Variants in BPIFB4 observed in about 807,000 individuals in gnomAD.
BPIFB4 encodes the protein BPI fold-containing family B member 4.
In BPIFB4, 62 loss-of-function variants were observed where a neutral mutation model predicts 69.2. That is an observed-to-expected ratio of 0.90 (90% CI 0.73 to 1.11). The LOEUF is 1.11. Among genes scored for constraint, BPIFB4 ranks in the 50% least tolerant of loss-of-function variants. The pLI is 0.00. For synonymous variants in BPIFB4, 330 were observed against 332.7 expected (o/e 0.99, Z 0.09); for missense variants, 789 against 792.0 (o/e 1.00, Z 0.04).
At chr20:33,091,405 G>A (rs1304697636) in intron 10 of BPIFB4, among the ~76,000 whole-genome samples, 1 of 152,234 alleles carries the variant, frequency 6.6e-6, no homozygotes, top group Non-Finnish European at 1.5e-5. Context: ...ACCATGTGAG[G>A]TGGTATGAGC....
intron 13 of BPIFB4, among the ~76,000 whole-genome samples, chr20:33,099,958 T>C (rs1215172794): frequency 6.6e-6 from 1 of 152,166 alleles, no homozygotes; most frequent in South Asian, 2.1e-4. Flanking sequence ...CTGGGCCTTT[T>C]ATATCCTCTC....
At chr20:33,103,686 C>T (rs905699641) in intron 15 of BPIFB4, among the ~76,000 whole-genome samples, 1 of 148,240 alleles carries the variant, frequency 6.7e-6, no homozygotes, top group African/African-American at 2.5e-5. Context: ...CTGGGACAAG[C>T]TTGGATGAGA....
chr20:33,111,065 C>T (rs1982224451), intron 17 of BPIFB4, among the ~76,000 whole-genome samples: 2 of 152,156 alleles, frequency 1.3e-5, no homozygotes, highest in African/African-American at 4.8e-5. Flanking sequence ...ATCCACCTGC[C>T]TCAGCCTCCC....
chr20:33,096,779 C>T (rs1346711628), intron 12 of BPIFB4, among the ~76,000 whole-genome samples: 1 of 152,182 alleles, frequency 6.6e-6, no homozygotes, highest in African/African-American at 2.4e-5. Context: ...AGCAATGTGT[C>T]CTGGAGACCT....
In BPIFB4 at chr20:33,082,946, G is replaced by A. The variant is rs1981279112; in HGVS notation, c.115G>A (p.Gly39Ser). The part of the protein sequence containing the change: ...TKDVLSNAIS[G>S]MLQQSDALHS... ...CCCTTGCCTCTCTGCAGCCATTTCA[G>A]GCATGCTGCAGCAAAGTGATGCTCT... The change falls in exon 4 of 18, where the codon GGC (glycine) becomes AGC (serine). Residue 39 changes from glycine (G) to serine (S), a missense_variant. Physicochemically the swap from Gly to Ser is moderately conservative, Grantham distance 56 (BLOSUM62 0). This residue lies in a region of BPIFB4 where 611 missense variants were observed against 575.4 expected (regional missense o/e 1.06). Transcript: ENST00000375483. 1 of 1,613,272 alleles carries A rather than the reference G, an allele frequency of 6.2e-7. No homozygotes were observed. Among genetic ancestry groups the A allele is most frequent in the South Asian group, 1.1e-5 (1 of 91,038 alleles).
chr20:33,090,513 A>C (rs754359797), intron 9 of BPIFB4, among the ~76,000 whole-genome samples, 195 bp from the exon 10 acceptor site: 7 of 152,250 alleles, frequency 4.6e-5, no homozygotes, highest in Non-Finnish European at 1.0e-4. Flanking sequence ...GGTTCAAAGA[A>C]GTGCAATGAC....
intron 10 of BPIFB4, among the ~76,000 whole-genome samples, chr20:33,091,110 C>G (rs1981587131): frequency 6.6e-6 from 1 of 152,134 alleles, no homozygotes; most frequent in Non-Finnish European, 1.5e-5. Context: ...AATCACTTGC[C>G]CAAGGTCACA....
At chr20:33,087,753 C>CACACACACACACAAAA (rs56030970) in intron 7 of BPIFB4, among the ~76,000 whole-genome samples, 1 of 140,854 alleles carries the variant, frequency 7.1e-6, no homozygotes, top group East Asian at 2.2e-4. Context: ...CACACACACA[C>CACACACACACACAAAA]AAGCATGCAT....
Position 33,095,487 on chromosome 20 carries a change from G to C in BPIFB4, c.1398+334G>C, listed in dbSNP as rs984675902. Among the ~76,000 whole-genome samples the C allele has an allele frequency of 3.9e-5, 6 of 152,188 alleles. No homozygotes were observed. In the East Asian group the frequency reaches 1.2e-3, roughly 29 times the overall value. On this transcript the variant is annotated intron_variant, in intron 12 of 17. Transcript: ENST00000375483. ...TTAGCTTCCTCATCTGTCAAAAAAGGCTGCTGATACCTATTCCATAGGTTA... is the reference window on the plus strand; with the variant it reads ...TTAGCTTCCTCATCTGTCAAAAAAGCCTGCTGATACCTATTCCATAGGTTA...
rs376579140 is a variant in BPIFB4 at position 33,103,489 on chromosome 20, T to C, written c.1680+475T>C. Among the ~76,000 whole-genome samples, 31 of 152,342 alleles carry C rather than the reference T, an allele frequency of 2.0e-4. No homozygotes were observed. In the East Asian group the frequency reaches 5.6e-3, roughly 27 times the overall value. The stretch of plus-strand genomic sequence containing the variant: ...TCTAACCTCCCTTCTTGCCCCTGGG[T>C]TGTGGAATTCTGCTTTTCCAAGGGT... On this transcript the variant is annotated intron_variant, in intron 15 of 17. Coordinates refer to ENST00000375483, the MANE Select transcript of BPIFB4 (RefSeq NM_182519.3).
At chr20:33,104,174 G>A (rs891136007) in intron 15 of BPIFB4, among the ~76,000 whole-genome samples, 1 of 152,174 alleles carries the variant, frequency 6.6e-6, no homozygotes, top group African/African-American at 2.4e-5. Flanking sequence ...AGGGGCTTAT[G>A]TCTGATTTTT....
intron 17 of BPIFB4, among the ~76,000 whole-genome samples, chr20:33,109,465 A>G (rs1232759882): frequency 6.6e-6 from 1 of 152,112 alleles, no homozygotes; most frequent in Admixed American, 6.5e-5. Flanking sequence ...CAGAGAGGGT[A>G]GGCCACTTGC....
Position 33,094,809 on chromosome 20 carries a change from A to G in BPIFB4, c.1345-291A>G, listed in dbSNP as rs1224202837. On this transcript the variant is annotated intron_variant, in intron 11 of 17. Coordinates refer to ENST00000375483, the MANE Select transcript of BPIFB4 (RefSeq NM_182519.3). ...AGGCATGAGCCACCGTTCTCGCCCAAGAATAACATTTTTAGAGGAGAAATA... is the reference window on the plus strand; with the variant it reads ...AGGCATGAGCCACCGTTCTCGCCCAGGAATAACATTTTTAGAGGAGAAATA... 1.3e-4 allele frequency among the ~76,000 whole-genome samples: 20 copies of G among 152,156 alleles called. 1 individual carries two copies. Among genetic ancestry groups the G allele is most frequent in the Admixed American group, 1.3e-3 (20 of 15,274 alleles).
chr20:33,103,070 T>G (rs2146414797), intron 15 of BPIFB4, 56 bp downstream of exon 15: 1 of 1,570,338 alleles, frequency 6.4e-7, no homozygotes, highest in Non-Finnish European at 8.8e-7. Context: ...GCCCAGGACG[T>G]GTCTTCCGGG....
At chr20:33,093,985 G>A (rs1021849350) in intron 11 of BPIFB4, among the ~76,000 whole-genome samples, 21 of 152,076 alleles carry the variant, frequency 1.4e-4, no homozygotes, top group Non-Finnish European at 2.6e-4. Flanking sequence ...TATCTTATCT[G>A]TTTTTGAGCA....
At position 33,083,740 on chromosome 20, in the gene BPIFB4, T is replaced by C; in HGVS notation, c.543T>C (p.Asp181=). 4 of 1,613,878 alleles carry C rather than the reference T, an allele frequency of 2.5e-6. No homozygotes were observed. The highest frequency in any genetic ancestry group is 3.4e-6 in the Non-Finnish European group (4 of 1,179,882). The change falls in exon 5 of 18, where the codon GAT becomes GAC. Residue 181 remains aspartate (D), a synonymous_variant. Transcript: ENST00000375483. ...GCACTGGAGGCATGCTGGCAGCTGA[T>C]GGCATCCTCGCAGGCCAAGGTGGCC... ...LLGTGGMLAA[D]GILAGQGGLL... is the part of the protein sequence containing the mutation.
Position 33,095,895 on chromosome 20 carries a change from C to T in BPIFB4, c.1398+742C>T, listed in dbSNP as rs182880268. On this transcript the variant is annotated intron_variant, in intron 12 of 17. Coordinates refer to ENST00000375483, the MANE Select transcript of BPIFB4 (RefSeq NM_182519.3). ...AGTTGGAACAAAGGCCTTTCCCACC[C>T]CAGTTCTGGTCCCATGTCTGGTTCT... Among the ~76,000 whole-genome samples, 90 of 152,166 alleles carry T rather than the reference C, an allele frequency of 5.9e-4. 2 individuals carry two copies. The highest frequency in any genetic ancestry group is 1.6e-4 in the Non-Finnish European group (11 of 68,026).
intron 4 of BPIFB4, among the ~76,000 whole-genome samples, 180 bp from the exon 5 acceptor site, chr20:33,083,187 G>A (rs1485899035): frequency 7.5e-6 from 1 of 132,490 alleles, no homozygotes; most frequent in African/African-American, 2.9e-5. Flanking sequence ...GAGTTGCTGG[G>A]TGGAGGAGGT....
In BPIFB4 at chr20:33,089,004, TC is replaced by T. The variant is rs761152133; in HGVS notation, c.967del (p.Leu323TrpfsTer30). Reference sequence around the variant, plus strand: ...CTCGTGGACAATTTAGTGAACCGAGTCCTGGCCGACGTCCTCCCTGACTTGG... The same window carrying T: ...CTCGTGGACAATTTAGTGAACCGAGTCTGGCCGACGTCCTCCCTGACTTGG... ...PNLVDNLVNR[V>X]LADVLPDLLC... On this transcript the variant is annotated frameshift_variant, in exon 8 of 18. Transcript: ENST00000375483. LOFTEE classifies it high-confidence loss of function. 5.0e-5 allele frequency: 81 copies of T among 1,613,844 alleles called. No homozygotes were observed. The highest frequency in any genetic ancestry group is 6.3e-5 in the Non-Finnish European group (74 of 1,179,844).
Sources: gnomAD v4.1 joint callset for allele counts (sites outside exome capture counted in the v4.1 genomes callset) on GRCh38, gnomAD v4.1.1 for gene constraint, gnomAD v4.1.1 regional missense constraint, MANE v1.5 for transcripts, NCBI Gene and HGNC (gene_info 2026-07-23, HGNC 2026-07-21) for gene names.